Variants in RTN1 observed in about 807,000 individuals in gnomAD.
RTN1 encodes the protein reticulon-1.
A neutral mutation model predicts 65.5 loss-of-function variants in RTN1; 25 were observed. The ratio of observed to expected loss-of-function variants is 0.38; its 90% confidence interval spans 0.28 to 0.53. The LOEUF (loss-of-function observed/expected upper bound fraction) is 0.53. Among genes scored for constraint, RTN1 ranks in the 20% least tolerant of loss-of-function variants. RTN1 has a pLI of 0.79. For missense variants in RTN1, 983 were observed against 1,025.4 expected, an observed-to-expected ratio of 0.96 and a Z score of 0.57; for synonymous variants, 471 against 447.6, an observed-to-expected ratio of 1.05 and a Z score of -0.66.
At chr14:59,833,214 A>G (rs1887156919) in intron 1 of RTN1, among the ~76,000 whole-genome samples, 2 of 152,240 alleles carry the variant, frequency 1.3e-5, no homozygotes, top group Non-Finnish European at 2.9e-5. Context: ...GATAAGATAC[A>G]TCTGGGTTAA....
At chr14:59,652,199 GC>G (rs1453444971) in intron 3 of RTN1, among the ~76,000 whole-genome samples, 1 of 152,224 alleles carries the variant, frequency 6.6e-6, no homozygotes, top group Non-Finnish European at 1.5e-5. Context: ...TGGTGAGGTT[GC>G]AGAGAAAAGG....
At chr14:59,686,120 G>A (rs866762747) in intron 3 of RTN1, among the ~76,000 whole-genome samples, 2 of 152,144 alleles carry the variant, frequency 1.3e-5, no homozygotes, top group African/African-American at 2.4e-5. Flanking sequence ...ATTTCCACAG[G>A]CAGAAAAGTG....
intron 1 of RTN1, among the ~76,000 whole-genome samples, chr14:59,840,502 AAGTATCT>A (rs1056023588): frequency 1.3e-5 from 2 of 152,204 alleles, no homozygotes; most frequent in African/African-American, 2.4e-5. Context: ...AGAGATAAAG[AAGTATCT>A]ACCACGTATG....
At chr14:59,676,853 T>TAACCGCAGCATTGAAAA (rs1219020113) in intron 3 of RTN1, among the ~76,000 whole-genome samples, 5 of 152,142 alleles carry the variant, frequency 3.3e-5, no homozygotes, top group Non-Finnish European at 7.4e-5. Flanking sequence ...ACATCAGAAA[T>TAACCGCAGCATTGAAAA]AACCGCAGCA....
intron 1 of RTN1, among the ~76,000 whole-genome samples, chr14:59,848,279 A>T (rs1449291620): frequency 6.6e-6 from 1 of 152,218 alleles, no homozygotes; most frequent in Admixed American, 6.5e-5. Context: ...AAGGGTTGTT[A>T]ATGGCAATTG....
chr14:59,710,180 G>T (rs1884387519), intron 3 of RTN1, among the ~76,000 whole-genome samples: 1 of 151,820 alleles, frequency 6.6e-6, no homozygotes, highest in Non-Finnish European at 1.5e-5. Flanking sequence ...GAATTTGGGA[G>T]TACAGGCGTG....
chr14:59,786,135 G>A (rs75111158), intron 1 of RTN1, among the ~76,000 whole-genome samples: 694 of 152,320 alleles, frequency 4.6e-3, no homozygotes, highest in Admixed American at 9.4e-3. Flanking sequence ...AGGCAGCATA[G>A]AGTAGAAGGA....
chr14:59,778,293 C>T (rs1199857254), intron 1 of RTN1, among the ~76,000 whole-genome samples: 2 of 152,108 alleles, frequency 1.3e-5, no homozygotes, highest in African/African-American at 4.8e-5. Context: ...CAGCAGGGAC[C>T]ATGTATGCTT....
At chr14:59,689,620 C>G (rs143901223) in intron 3 of RTN1, among the ~76,000 whole-genome samples, 58 of 152,270 alleles carry the variant, frequency 3.8e-4, no homozygotes, top group African/African-American at 1.3e-3. Flanking sequence ...TCAGCAGAAA[C>G]CTTACAAACC....
intron 3 of RTN1, among the ~76,000 whole-genome samples, chr14:59,623,854 T>A (rs901997669): frequency 3.3e-5 from 5 of 152,222 alleles, no homozygotes; most frequent in Non-Finnish European, 2.9e-5. Context: ...TGATTTCTCA[T>A]TGTACCTCTG....
intron 3 of RTN1, among the ~76,000 whole-genome samples, chr14:59,681,967 T>A (rs1298818499): frequency 6.6e-6 from 1 of 152,200 alleles, no homozygotes; most frequent in African/African-American, 2.4e-5. Context: ...CTTCTAACTA[T>A]CCTTTTGGTT....
At chr14:59,596,809 G>T (rs1873702815) in intron 8 of RTN1, 22 bp from the exon 9 acceptor site, 1 of 1,596,442 alleles carries the variant, frequency 6.3e-7, no homozygotes, top group East Asian at 2.2e-5. Flanking sequence ...GTATCAAAAG[G>T]TAGTAAATCA....
chr14:59,746,505 C>T (rs1289983321), intron 1 of RTN1, 24 bp from the exon 2 acceptor site: 3 of 1,546,522 alleles, frequency 1.9e-6, no homozygotes, highest in Non-Finnish European at 2.6e-6. Context: ...CAGCAGCAGA[C>T]AGTGAGTGGG....
chr14:59,603,991 T>C, intron 5 of RTN1, 70 bp from the exon 6 acceptor site: 2 of 1,211,552 alleles, frequency 1.7e-6, no homozygotes, highest in Non-Finnish European at 2.4e-6. Context: ...TATCATTGAC[T>C]TTTACCTAGA....
intron 3 of RTN1, among the ~76,000 whole-genome samples, chr14:59,617,237 T>C (rs1594634288): frequency 6.6e-6 from 1 of 152,126 alleles, no homozygotes; most frequent in East Asian, 1.9e-4. Context: ...CTGTACAAGG[T>C]TCCTGACCTG....
intron 3 of RTN1, among the ~76,000 whole-genome samples, chr14:59,683,960 A>G (rs1232421856): frequency 1.3e-5 from 2 of 152,080 alleles, no homozygotes; most frequent in African/African-American, 4.8e-5. Flanking sequence ...TTAGTGCCTT[A>G]AAAGTAGTAA....
chr14:59,614,778 C>T (rs1255496168), intron 3 of RTN1, among the ~76,000 whole-genome samples: 5 of 152,146 alleles, frequency 3.3e-5, no homozygotes, highest in Admixed American at 6.5e-5. Context: ...CATTTCTGTC[C>T]GATGTCCTAG....
chr14:59,777,786 C>A (rs184694210), intron 1 of RTN1, among the ~76,000 whole-genome samples: 1 of 145,040 alleles, frequency 6.9e-6, no homozygotes, highest in African/African-American at 2.6e-5. Flanking sequence ...AAAACGGAAG[C>A]AAGTCAAGAC....
At chr14:59,659,471 T>C (rs753909435) in intron 3 of RTN1, among the ~76,000 whole-genome samples, 17 of 151,162 alleles carry the variant, frequency 1.1e-4, no homozygotes, top group South Asian at 2.1e-4. Flanking sequence ...AAGGAGAAAA[T>C]GTTAAGGGCA....
Sources: gnomAD v4.1 joint callset for allele counts (sites outside exome capture counted in the v4.1 genomes callset) on GRCh38, gnomAD v4.1.1 for gene constraint, MANE v1.5 for transcripts, NCBI Gene and HGNC (gene_info 2026-07-23, HGNC 2026-07-21) for gene names.